The following PDE3A variants were observed in gnomAD, a reference collection of about 807,000 sequenced individuals.
PDE3A encodes phosphodiesterase 3A.
Under a neutral mutation model 98.3 loss-of-function variants are expected in PDE3A, and 43 were observed. The ratio of observed to expected loss-of-function variants is 0.44; its 90% CI spans 0.34 to 0.56. The LOEUF (loss-of-function observed/expected upper bound fraction) is 0.56. Among genes scored for constraint, PDE3A ranks in the 20% least tolerant of loss-of-function variants. The probability of loss-of-function intolerance (pLI) is 0.01; values close to 1 mark genes in which losing one functional copy is unlikely to be tolerated. For missense variants in PDE3A, 1,427 were observed against 1,440.7 expected (o/e 0.99, Z 0.15); for synonymous variants, 663 against 567.9 (o/e 1.17, Z -2.38).
intron 1 of PDE3A, among the ~76,000 whole-genome samples, chr12:20,378,075 T>C (rs572587552): frequency 6.6e-6 from 1 of 151,864 alleles, no homozygotes; most frequent in Non-Finnish European, 1.5e-5. Context: ...AACTTTTCAC[T>C]ACTGTTTATA....
intron 2 of PDE3A, among the ~76,000 whole-genome samples, chr12:20,591,501 A>G (rs1327507313): frequency 6.6e-6 from 1 of 152,248 alleles, no homozygotes; most frequent in South Asian, 2.1e-4. Context: ...ACATTTTACA[A>G]GAAAGTAGCC....
At chr12:20,655,364 G>C (rs1295250854) in intron 15 of PDE3A, among the ~76,000 whole-genome samples, 1 of 152,144 alleles carries the variant, frequency 6.6e-6, no homozygotes, top group African/African-American at 2.4e-5. Context: ...CCTGTGCAAA[G>C]GTCCGGGGAT....
chr12:20,678,711 A>G (rs945416815), intron 15 of PDE3A, among the ~76,000 whole-genome samples: 1 of 152,216 alleles, frequency 6.6e-6, no homozygotes, highest in Non-Finnish European at 1.5e-5. Context: ...CAAAGGAGAA[A>G]GGATCTCCAA....
At chr12:20,592,499 C>T (rs973060781) in intron 2 of PDE3A, among the ~76,000 whole-genome samples, 1 of 152,080 alleles carries the variant, frequency 6.6e-6, no homozygotes, top group Non-Finnish European at 1.5e-5. Flanking sequence ...CTAGTGTTTT[C>T]CAATGATGTA....
At chr12:20,671,302 C>G (rs1298696800) in intron 15 of PDE3A, among the ~76,000 whole-genome samples, 1 of 150,996 alleles carries the variant, frequency 6.6e-6, no homozygotes, top group Admixed American at 6.6e-5. Context: ...CCTTCTGAAA[C>G]TATTCCAATC....
At chr12:20,627,733 A>G (rs954119290) in intron 5 of PDE3A, among the ~76,000 whole-genome samples, 1 of 152,210 alleles carries the variant, frequency 6.6e-6, no homozygotes, top group Non-Finnish European at 1.5e-5. Flanking sequence ...TCCCCTAAAA[A>G]AGTGGGAGCT....
intron 1 of PDE3A, among the ~76,000 whole-genome samples, chr12:20,479,069 T>C (rs1377348421): frequency 6.6e-6 from 1 of 152,158 alleles, no homozygotes; most frequent in African/African-American, 2.4e-5. Context: ...CTTAGAAAAA[T>C]GACAGTTAGT....
intron 1 of PDE3A, among the ~76,000 whole-genome samples, chr12:20,478,984 T>C (rs965030870): frequency 2.0e-5 from 3 of 152,226 alleles, no homozygotes; most frequent in South Asian, 2.1e-4. Flanking sequence ...TTTTAAAATA[T>C]ATACTTTGTG....
chr12:20,554,562 A>G (rs1424442488), intron 1 of PDE3A, among the ~76,000 whole-genome samples: 1 of 151,422 alleles, frequency 6.6e-6, no homozygotes, highest in Admixed American at 6.6e-5. Context: ...TTACCCTCAA[A>G]AGTCTATTTT....
At chr12:20,528,342 G>C (rs1946564708) in intron 1 of PDE3A, among the ~76,000 whole-genome samples, 1 of 152,182 alleles carries the variant, frequency 6.6e-6, no homozygotes, top group African/African-American at 2.4e-5. Flanking sequence ...CTAGCACACT[G>C]GTGTTGAATA....
intron 2 of PDE3A, among the ~76,000 whole-genome samples, chr12:20,566,433 A>G (rs1942658187): frequency 6.6e-6 from 1 of 151,988 alleles, no homozygotes; most frequent in African/African-American, 2.4e-5. Flanking sequence ...TTTTGTAATC[A>G]TATTCTTTGT....
intron 1 of PDE3A, among the ~76,000 whole-genome samples, chr12:20,454,118 G>C (rs1395354265): frequency 6.6e-6 from 1 of 152,116 alleles, no homozygotes; most frequent in African/African-American, 2.4e-5. Flanking sequence ...CTTTGACCTC[G>C]TGTTGTAACA....
At chr12:20,464,488 A>T (rs552896615) in intron 1 of PDE3A, among the ~76,000 whole-genome samples, 5 of 152,116 alleles carry the variant, frequency 3.3e-5, no homozygotes, top group Non-Finnish European at 7.4e-5. Context: ...TGTTATCATA[A>T]TTATCTTTTC....
At chr12:20,579,605 T>C (rs11045315) in intron 2 of PDE3A, among the ~76,000 whole-genome samples, 33,387 of 152,032 alleles carry the variant, frequency 0.22, 3,796 homozygotes, top group South Asian at 0.34. Flanking sequence ...TTCTCTGTGT[T>C]CCATAGACCA....
intron 1 of PDE3A, among the ~76,000 whole-genome samples, chr12:20,437,555 G>A (rs957985158): frequency 2.6e-5 from 4 of 152,266 alleles, no homozygotes; most frequent in Non-Finnish European, 4.4e-5. Context: ...CATGGCAGAA[G>A]GGAAGCAGGA....
chr12:20,379,198 T>C (rs1197368878), intron 1 of PDE3A, among the ~76,000 whole-genome samples: 3 of 151,880 alleles, frequency 2.0e-5, no homozygotes, highest in African/African-American at 7.2e-5. Context: ...GCAACAGTTA[T>C]ACAGCTATGT....
intron 3 of PDE3A, among the ~76,000 whole-genome samples, chr12:20,614,488 G>A (rs1943950933): frequency 1.3e-5 from 2 of 152,134 alleles, no homozygotes; most frequent in Admixed American, 1.3e-4. Flanking sequence ...TTCTGCTGTT[G>A]TGAGTCTCTT....
At chr12:20,626,234 A>G (rs1205842155) in intron 5 of PDE3A, among the ~76,000 whole-genome samples, 2 of 147,636 alleles carry the variant, frequency 1.4e-5, no homozygotes, top group African/African-American at 2.7e-5. Context: ...TCTATAAAGA[A>G]AATTTGGTTA....
At chr12:20,560,533 A>C (rs1022325925) in intron 2 of PDE3A, among the ~76,000 whole-genome samples, 1 of 152,232 alleles carries the variant, frequency 6.6e-6, no homozygotes, top group African/African-American at 2.4e-5. Context: ...GGAAAGAAGA[A>C]TATAGAAGAG....
Sources: gnomAD v4.1 joint callset for allele counts (sites outside exome capture counted in the v4.1 genomes callset) on GRCh38, gnomAD v4.1.1 for gene constraint, MANE v1.5 for transcripts, NCBI Gene and HGNC (gene_info 2026-07-23, HGNC 2026-07-21) for gene names.